Variants in IPCEF1 observed in about 807,000 individuals in gnomAD.
IPCEF1 encodes the protein interactor protein for cytohesin exchange factors 1.
In IPCEF1, 31 loss-of-function variants were observed where a neutral mutation model predicts 50.9. That is an observed-to-expected ratio of 0.61 (90% CI 0.46 to 0.82). The LOEUF (loss-of-function observed/expected upper bound fraction) is 0.82, where lower values mean the gene tolerates loss of function less well. Among genes scored for constraint, IPCEF1 ranks in the 40% least tolerant of loss-of-function variants. IPCEF1 has a pLI of 0.00. For missense variants in IPCEF1, 458 were observed against 514.0 expected (o/e 0.89, Z 1.05); for synonymous variants, 181 against 192.0 (o/e 0.94, Z 0.47).
chr6:154,199,397 G>C (rs1048857306), intron 10 of IPCEF1, among the ~76,000 whole-genome samples: 1 of 152,162 alleles, frequency 6.6e-6, no homozygotes, highest in African/African-American at 2.4e-5. Context: ...TTCTCCGATT[G>C]GTGGAAAAGT....
At chr6:154,333,129 T>C (rs971019776) in intron 1 of IPCEF1, among the ~76,000 whole-genome samples, 20 of 152,176 alleles carry the variant, frequency 1.3e-4, no homozygotes, top group African/African-American at 4.6e-4. Flanking sequence ...AAGTCTTGAG[T>C]TGGATCTTCA....
intron 10 of IPCEF1, among the ~76,000 whole-genome samples, chr6:154,169,340 T>C (rs889794950): frequency 6.6e-6 from 1 of 152,072 alleles, no homozygotes; most frequent in African/African-American, 2.4e-5. Context: ...CAGCCTGGGC[T>C]ACAGAGTGAG....
rs895110088 is a variant in IPCEF1 at position 154,328,078 on chromosome 6, G to A, written c.-62+28594C>T. ...GGGCCTGTCAGAGGAGGGTGGTTGGGGGAGGGGGAGCATCAGGAAGACTAG... is the reference window on the plus strand; with the variant it reads ...GGGCCTGTCAGAGGAGGGTGGTTGGAGGAGGGGGAGCATCAGGAAGACTAG... On this transcript the variant is annotated intron_variant, in intron 1 of 11. Transcript: ENST00000367220. Among the ~76,000 whole-genome samples the A allele has an allele frequency of 2.0e-5, 3 of 152,258 alleles. No individual in the cohort carries two copies. In the East Asian group the frequency reaches 5.8e-4, roughly 29 times the overall value.
intron 8 of IPCEF1, among the ~76,000 whole-genome samples, chr6:154,213,967 T>G (rs530041033): frequency 4.4e-4 from 67 of 152,318 alleles, no homozygotes; most frequent in African/African-American, 1.5e-3. Flanking sequence ...GTTTGAGATG[T>G]CATGAAGCCC....
Position 154,342,620 on chromosome 6 carries a change from G to T in IPCEF1, c.-62+14052C>A, listed in dbSNP as rs1439240698. Among the ~76,000 whole-genome samples the T allele has an allele frequency of 2.0e-5, 3 of 152,046 alleles. No homozygotes were observed. In the East Asian group the frequency reaches 5.8e-4, roughly 30 times the overall value. On this transcript the variant is annotated intron_variant, in intron 1 of 11. Transcript: ENST00000367220. ...CAATTTTTGTAGAAACAGTGGCAGG[G>T]TGAGGGGCTGAGGAGGGGGAGGCAG...
At chr6:154,250,675 C>T (rs1781315779) in intron 3 of IPCEF1, among the ~76,000 whole-genome samples, 1 of 152,224 alleles carries the variant, frequency 6.6e-6, no homozygotes, top group African/African-American at 2.4e-5. Context: ...GTTATATTGA[C>T]TTATAATCCA....
intron 3 of IPCEF1, among the ~76,000 whole-genome samples, chr6:154,256,880 C>T (rs2128648973): frequency 6.6e-6 from 1 of 152,192 alleles, no homozygotes; most frequent in South Asian, 2.1e-4. Flanking sequence ...TGGTATGATA[C>T]CTTCACATGG....
chr6:154,281,184 CAAAAAAAAAAA>C (rs35597942), intron 2 of IPCEF1, among the ~76,000 whole-genome samples: 848 of 59,168 alleles, frequency 0.014, 23 homozygotes, highest in African/African-American at 0.034. Flanking sequence ...TACTAAAATA[CAAAAAAAAAAA>C]AAAAAAAAAA....
chr6:154,257,859 C>A (rs970701171), intron 3 of IPCEF1, among the ~76,000 whole-genome samples: 15 of 152,114 alleles, frequency 9.9e-5, no homozygotes, highest in African/African-American at 3.6e-4. Flanking sequence ...CACACCAGGA[C>A]ATCTGGCTAA....
At chr6:154,305,525 A>C (rs1782908933) in intron 1 of IPCEF1, among the ~76,000 whole-genome samples, 1 of 152,152 alleles carries the variant, frequency 6.6e-6, no homozygotes, top group Admixed American at 6.5e-5. Flanking sequence ...AACAAAAATC[A>C]CTAATAGTTC....
At chr6:154,294,755 G>A (rs569434182) in intron 1 of IPCEF1, among the ~76,000 whole-genome samples, 49 of 151,974 alleles carry the variant, frequency 3.2e-4, no homozygotes, top group East Asian at 1.5e-3. Context: ...AAGTGTCTGC[G>A]AGCCTAATCT....
intron 1 of IPCEF1, among the ~76,000 whole-genome samples, chr6:154,318,337 A>T (rs752288461): frequency 6.6e-6 from 1 of 152,194 alleles, no homozygotes; most frequent in African/African-American, 2.4e-5. Flanking sequence ...GAAGACCAAG[A>T]CCCAATAAAA....
chr6:154,196,545 A>G (rs1297914868), intron 10 of IPCEF1, among the ~76,000 whole-genome samples: 1 of 152,204 alleles, frequency 6.6e-6, no homozygotes, highest in Non-Finnish European at 1.5e-5. Context: ...TTCAGCATCC[A>G]GAGTAAGGTT....
At chr6:154,287,052 G>A (rs565996202) in intron 2 of IPCEF1, among the ~76,000 whole-genome samples, 1 of 152,238 alleles carries the variant, frequency 6.6e-6, no homozygotes, top group African/African-American at 2.4e-5. Context: ...GAGCTCAGGA[G>A]TTTGAGGTCA....
intron 3 of IPCEF1, among the ~76,000 whole-genome samples, chr6:154,254,526 C>T (rs1234595613): frequency 6.6e-6 from 1 of 152,222 alleles, no homozygotes; most frequent in Non-Finnish European, 1.5e-5. Context: ...CCCACCAGGT[C>T]CCTCCCTCAA....
At chr6:154,271,827 TA>T in intron 2 of IPCEF1, among the ~76,000 whole-genome samples, 1 of 152,134 alleles carries the variant, frequency 6.6e-6, no homozygotes, top group Admixed American at 6.5e-5. Flanking sequence ...TTTACAAAAA[TA>T]AAATAAAAAT....
chr6:154,325,908 C>T (rs1036514637), intron 1 of IPCEF1, among the ~76,000 whole-genome samples: 1 of 152,122 alleles, frequency 6.6e-6, no homozygotes, highest in African/African-American at 2.4e-5. Context: ...GTTCAAGCCT[C>T]CATGCATAGC....
rs1349212498 is a variant in IPCEF1, at chr6:154,232,707, GC to G, written c.247-9465del. 2.0e-5 allele frequency among the ~76,000 whole-genome samples: 3 copies of G among 152,168 alleles called. No homozygotes were observed. The East Asian group carries it at 5.8e-4, about 29-fold the overall frequency. ...ATTTGGAATTAATGTCTCGATGTAAGCCACATACTCTGACATCCGAGGCAGA... is the reference window on the plus strand; with the variant it reads ...ATTTGGAATTAATGTCTCGATGTAAGCACATACTCTGACATCCGAGGCAGA... On this transcript the variant is annotated intron_variant, in intron 5 of 11. Coordinates refer to ENST00000367220, the MANE Select transcript of IPCEF1 (RefSeq NM_001130700.2).
intron 3 of IPCEF1, among the ~76,000 whole-genome samples, chr6:154,256,299 C>T (rs566882370): frequency 6.0e-4 from 92 of 152,238 alleles, no homozygotes; most frequent in Admixed American, 2.6e-3. Flanking sequence ...TCTCATTCAT[C>T]AGGGTGAAGC....
Sources: allele counts gnomAD v4.1 joint callset (sites outside exome capture counted in the v4.1 genomes callset), GRCh38; gene constraint gnomAD v4.1.1; transcripts MANE v1.5; gene names NCBI Gene and HGNC (gene_info 2026-07-23, HGNC 2026-07-21).